KCNQ1OT1: variants seen among roughly 807,000 people sequenced by gnomAD.
KCNQ1OT1 encodes KCNQ1 opposite strand/antisense transcript 1, also known as KCNQ1 antisense RNA 2 (non-protein coding).
At position 2,631,830 on chromosome 11, in the gene KCNQ1OT1, G is replaced by C. The variant is rs568560803; in HGVS notation, n.68165C>G. 87 of 398,552 alleles carry C rather than the reference G, an allele frequency of 2.2e-4. No homozygotes were observed. Among genetic ancestry groups the C allele is most frequent in the Middle Eastern group, 6.3e-4 (1 of 1,588 alleles). The allele number at this position is 398,552 out of a possible 1,614,324, so 24.7% of individuals were successfully genotyped here. A position where few individuals can be genotyped will look rare whatever the true frequency, so the allele number is the denominator to read the frequency against. On this transcript the variant is annotated non_coding_transcript_exon_variant, in exon 1 of 1. Transcript: ENST00000597346. The stretch of plus-strand genomic sequence containing the variant: ...CAAGGCTGAGTGTCCTGATGCTGTC[G>C]TGTAAATAGAGTTGTGTTAATAATA...
chr11:2,661,737 T>C lies in KCNQ1OT1; in HGVS notation n.38258A>G, dbSNP rs944281439. 1.6e-6 allele frequency: 1 copy of C among 620,596 alleles called. No homozygotes were observed. Among genetic ancestry groups the C allele is most frequent in the Non-Finnish European group, 2.9e-6 (1 of 346,104 alleles). The allele number at this position is 620,596 out of a possible 1,614,324, so 38.4% of individuals were successfully genotyped here. ...GCACAGTTACCACTCCGAAGATGATTCACTGGCCTTTATTCTCCTCAGACA... is the reference window on the plus strand; with the variant it reads ...GCACAGTTACCACTCCGAAGATGATCCACTGGCCTTTATTCTCCTCAGACA... On this transcript the variant is annotated non_coding_transcript_exon_variant, in exon 1 of 1. Coordinates refer to ENST00000597346, the Ensembl canonical transcript of KCNQ1OT1. The surrounding 1 kb of genome is among the most constrained non-coding windows in gnomAD (Gnocchi z 5.9).
At chr11:2,648,093 C>G (rs2133838680) in exon 1 of KCNQ1OT1, 1 of 393,120 alleles carries the variant, frequency 2.5e-6, no homozygotes, top group South Asian at 1.4e-4. Flanking sequence ...TGCTGCACAT[C>G]TACTCAGAAG....
exon 1 of KCNQ1OT1, chr11:2,614,343 TG>T (rs1388773357): frequency 2.5e-6 from 1 of 398,454 alleles, no homozygotes; most frequent in African/African-American, 2.1e-5. Flanking sequence ...TTTAGTCTTC[TG>T]TGCACCCTTT....
In KCNQ1OT1 at chr11:2,667,754, C is replaced by T. The variant is rs1043824298; in HGVS notation, n.32241G>A. 4 of 398,622 alleles carry T rather than the reference C, an allele frequency of 1.0e-5. No homozygotes were observed. In the Admixed American group the frequency reaches 1.8e-4, roughly 18 times the overall value. The allele number at this position is 398,622 out of a possible 1,614,324, so 24.7% of individuals were successfully genotyped here. A position where few individuals can be genotyped will look rare whatever the true frequency, so the allele number is the denominator to read the frequency against. On this transcript the variant is annotated non_coding_transcript_exon_variant, in exon 1 of 1. Transcript: ENST00000597346. The stretch of plus-strand genomic sequence containing the variant: ...GTGAGGGAGTGGGATGGGGCTGGGC[C>T]TAGCGGCCCTGAAGGCCAGGGCTAT...
rs751907111 is a variant in KCNQ1OT1 at position 2,627,407 on chromosome 11, C to T, written n.72588G>A. On this transcript the variant is annotated non_coding_transcript_exon_variant, in exon 1 of 1. Coordinates refer to ENST00000597346, the Ensembl canonical transcript of KCNQ1OT1. The surrounding 1 kb of genome is among the most constrained non-coding windows in gnomAD (Gnocchi z 4.9). ...ACCAATCTGGACGTTATGTCAAGAACTTATTCATCTGATAACTCTATGTTT... is the reference window on the plus strand; with the variant it reads ...ACCAATCTGGACGTTATGTCAAGAATTTATTCATCTGATAACTCTATGTTT... 142 of 398,362 alleles carry T rather than the reference C, an allele frequency of 3.6e-4. No individual in the cohort carries two copies. Among genetic ancestry groups the T allele is most frequent in the Non-Finnish European group, 5.6e-4 (127 of 226,034 alleles). The allele number at this position is 398,362 out of a possible 1,614,324, so 24.7% of individuals were successfully genotyped here.
exon 1 of KCNQ1OT1, chr11:2,638,431 T>C (rs1046031861): frequency 6.6e-6 from 1 of 152,218 alleles, no homozygotes; most frequent in African/African-American, 2.4e-5. Flanking sequence ...CCTTCACTTA[T>C]GAAGCTTAGT....
Position 2,623,041 on chromosome 11 carries a change from G to A in KCNQ1OT1, n.76954C>T. ...CCATGTGTCAGGGGAGGGGCCTGGTGGGGGGCAAACTTCCCCCTTGCTGTT... is the reference window on the plus strand; with the variant it reads ...CCATGTGTCAGGGGAGGGGCCTGGTAGGGGGCAAACTTCCCCCTTGCTGTT... On this transcript the variant is annotated non_coding_transcript_exon_variant, in exon 1 of 1. Transcript: ENST00000597346. The surrounding 1 kb of genome is among the most constrained non-coding windows in gnomAD (Gnocchi z 5.2). The A allele has an allele frequency of 2.5e-6, 1 of 398,558 alleles. No homozygotes were observed. Among genetic ancestry groups the A allele is most frequent in the Non-Finnish European group, 4.4e-6 (1 of 226,112 alleles). The allele number at this position is 398,558 out of a possible 1,614,324, so 24.7% of individuals were successfully genotyped here. A position where few individuals can be genotyped will look rare whatever the true frequency, so the allele number is the denominator to read the frequency against.
At chr11:2,656,290 TG>T (rs754096154) in exon 1 of KCNQ1OT1, 3 of 398,554 alleles carry the variant, frequency 7.5e-6, no homozygotes, top group African/African-American at 2.1e-5. Context: ...ATCTCTAAAA[TG>T]GGGGCAGTAA....
At chr11:2,672,927 G>A (rs1052031578) in exon 1 of KCNQ1OT1, 1 of 398,624 alleles carries the variant, frequency 2.5e-6, no homozygotes, top group African/African-American at 2.1e-5. Context: ...TGGCCATGCA[G>A]GCCCACCACA....
chr11:2,675,945 C>A, exon 1 of KCNQ1OT1: 1 of 398,658 alleles, frequency 2.5e-6, no homozygotes. Context: ...CATGGTAAAA[C>A]CAATTCAGAG....
At chr11:2,688,937 G>A in exon 1 of KCNQ1OT1, 1 of 398,858 alleles carries the variant, frequency 2.5e-6, no homozygotes, top group Admixed American at 4.4e-5. Flanking sequence ...CTCACAGGCT[G>A]TCACCCACTG....
Position 2,654,075 on chromosome 11 carries a change from C to T in KCNQ1OT1, n.45920G>A. On this transcript the variant is annotated non_coding_transcript_exon_variant, in exon 1 of 1. Transcript: ENST00000597346. This position sits in a 1 kb window ranked among gnomAD's most constrained non-coding sequence, Gnocchi z 6.4. ...TTGTGGGAATGGCTTTTACACTTTC[C>T]ATCCATGTCCCTTACTTCTCGCCTC... is the stretch of plus-strand genomic sequence containing the variant. 2.5e-6 allele frequency: 1 copy of T among 398,732 alleles called. No homozygotes were observed. The highest frequency in any genetic ancestry group is 6.3e-4 in the Middle Eastern group (1 of 1,588). 24.7% of individuals were successfully genotyped at this position (398,732 alleles called of 1,614,324 possible). A position where few individuals can be genotyped will look rare whatever the true frequency, so the allele number is the denominator to read the frequency against.
chr11:2,618,219 A>G, exon 1 of KCNQ1OT1: 2 of 398,554 alleles, frequency 5.0e-6, no homozygotes, highest in African/African-American at 2.1e-5. Flanking sequence ...CAGCGATATC[A>G]AATCTTTTGG....
chr11:2,625,150 C>T, exon 1 of KCNQ1OT1: 2 of 398,622 alleles, frequency 5.0e-6, no homozygotes, highest in Non-Finnish European at 8.8e-6. Flanking sequence ...TGAAGGAACA[C>T]CAAACTGTTT....
At chr11:2,615,212 A>G in exon 1 of KCNQ1OT1, 1 of 398,166 alleles carries the variant, frequency 2.5e-6, no homozygotes, top group Non-Finnish European at 4.4e-6. Context: ...TTCCTGGTAT[A>G]TAGAGGCACA....
At chr11:2,680,543 C>T in exon 1 of KCNQ1OT1, 1 of 398,302 alleles carries the variant, frequency 2.5e-6, no homozygotes, top group Non-Finnish European at 4.4e-6. Context: ...TCATGCAGTT[C>T]TAAGAAACAA....
In KCNQ1OT1 at chr11:2,621,613, G is replaced by T. The variant is rs1011610544; in HGVS notation, n.78382C>A. Reference sequence around the variant, plus strand: ...TCTATTCCTGATTTAATCTTAGCAGGTTGGTTTTTTTCTAGGAATTTGTCC... The same window carrying T: ...TCTATTCCTGATTTAATCTTAGCAGTTTGGTTTTTTTCTAGGAATTTGTCC... On this transcript the variant is annotated non_coding_transcript_exon_variant, in exon 1 of 1. Transcript: ENST00000597346. This position sits in a 1 kb window ranked among gnomAD's most constrained non-coding sequence, Gnocchi z 5.7. 6.0e-5 allele frequency: 24 copies of T among 398,238 alleles called. No individual in the cohort carries two copies. The highest frequency in any genetic ancestry group is 1.0e-4 in the Non-Finnish European group (23 of 226,012). The allele number at this position is 398,238 out of a possible 1,614,324, so 24.7% of individuals were successfully genotyped here. A position where few individuals can be genotyped will look rare whatever the true frequency, so the allele number is the denominator to read the frequency against.
In KCNQ1OT1 at chr11:2,687,789, A is replaced by G. The variant is rs231353; in HGVS notation, n.12206T>C. 0.44 allele frequency: 176,346 copies of G among 398,452 alleles called. 43,309 individuals are homozygous for G. Among genetic ancestry groups the G allele is most frequent in the East Asian group, 0.84 (23,572 of 28,042 alleles). The allele number at this position is 398,452 out of a possible 1,614,324, so 24.7% of individuals were successfully genotyped here. On this transcript the variant is annotated non_coding_transcript_exon_variant, in exon 1 of 1. Transcript: ENST00000597346. This position sits in a 1 kb window ranked among gnomAD's most constrained non-coding sequence, Gnocchi z 5.0. ...CTTAGCAGGCCTAACCACACCCCTA[A>G]GCCACCCAGCCTGGCCCCCCTCCTC...
At chr11:2,685,072 G>T (rs777812393) in exon 1 of KCNQ1OT1, 1 of 398,666 alleles carries the variant, frequency 2.5e-6, no homozygotes, top group Non-Finnish European at 4.4e-6. Context: ...GACAGCCTGT[G>T]AGAATTACAG....
Sources: gnomAD v4.1 joint callset for allele counts on GRCh38, gnomAD v4.1.1 for gene constraint, Gnocchi (gnomAD v3.1) non-coding constraint, MANE v1.5 for transcripts, NCBI Gene and HGNC (gene_info 2026-07-23, HGNC 2026-07-21) for gene names.